The following PAK4 variants were observed in gnomAD, a reference collection of about 807,000 sequenced individuals.
The protein encoded by PAK4 is serine/threonine-protein kinase PAK 4.
In PAK4, 49 loss-of-function variants were observed where a neutral mutation model predicts 53.5. The observed-to-expected ratio is 0.92, with a 90% CI of 0.73 to 1.16. The LOEUF (loss-of-function observed/expected upper bound fraction) is 1.16. Ranked by LOEUF, PAK4 falls within the 50% of genes most tolerant of loss-of-function variation. PAK4 has a pLI of 0.00. For synonymous variants in PAK4, 376 were observed against 375.6 expected (o/e 1.00, Z -0.01); for missense variants, 824 against 850.7 (o/e 0.97, Z 0.39).
chr19:39,171,572 C>T (rs532953992), intron 2 of PAK4, among the ~76,000 whole-genome samples: 3 of 152,340 alleles, frequency 2.0e-5, no homozygotes, highest in Admixed American at 6.5e-5. Flanking sequence ...CTGGGCAAGG[C>T]CCGGCTTCAG....
At chr19:39,177,990 C>T (rs918966061) in intron 8 of PAK4, among the ~76,000 whole-genome samples, 181 bp downstream of exon 9, 9 of 151,994 alleles carry the variant, frequency 5.9e-5, no homozygotes, top group African/African-American at 1.9e-4. Context: ...GGGGCCTGGG[C>T]GACAGAGGCA....
chr19:39,129,596 C>T (rs1023210017), intron 1 of PAK4, among the ~76,000 whole-genome samples: 2 of 152,134 alleles, frequency 1.3e-5, no homozygotes, highest in African/African-American at 2.4e-5. Flanking sequence ...ACGATTTCCT[C>T]GGCCGTGACA....
intron 1 of PAK4, among the ~76,000 whole-genome samples, chr19:39,158,566 G>T (rs1256536714): frequency 2.6e-5 from 4 of 152,248 alleles, no homozygotes; most frequent in African/African-American, 9.6e-5. Flanking sequence ...GTACCTCTGG[G>T]GGGTGAAGGG....
At position 39,166,801 on chromosome 19, in the gene PAK4, TCTGTTGGGAAGGGAGCGC is replaced by T. The variant is rs1333329365; in HGVS notation, c.-22-2727_-22-2710del. Reference sequence around the variant, plus strand: ...TGTGGCCCCCATGAGGTCAGGAGCATCTGTTGGGAAGGGAGCGCCTGCTGGGGAAGCCGGCAGGGCTTG... The same window carrying T: ...TGTGGCCCCCATGAGGTCAGGAGCATCTGCTGGGGAAGCCGGCAGGGCTTG... On this transcript the variant is annotated intron_variant, in intron 1 of 8. Transcript: ENST00000358301. 2.0e-5 allele frequency among the ~76,000 whole-genome samples: 3 copies of T among 152,120 alleles called. No homozygotes were observed. The East Asian group carries it at 5.8e-4, about 29-fold the overall frequency.
Position 39,175,155 on chromosome 19 carries a change from TC to T in PAK4, c.1232+93del. On this transcript the variant is annotated intron_variant, in intron 5 of 8. Coordinates refer to ENST00000358301, the Ensembl canonical transcript of PAK4. The surrounding 1 kb of genome is among the most constrained non-coding windows in gnomAD (Gnocchi z 4.7). ...GGCCACATCTCCAAACCAGCTGTGC[TC>T]CGGGCCCCTGGGATGGGGTCGTGTC... 6.6e-7 allele frequency: 1 copy of T among 1,521,056 alleles called. No homozygotes were observed. Among genetic ancestry groups the T allele is most frequent in the Non-Finnish European group, 8.9e-7 (1 of 1,120,478 alleles). 94.2% of individuals were successfully genotyped at this position (1,521,056 alleles called of 1,614,324 possible). A position where few individuals can be genotyped will look rare whatever the true frequency, so the allele number is the denominator to read the frequency against.
chr19:39,149,796 C>T (rs918836140), intron 1 of PAK4, among the ~76,000 whole-genome samples: 4 of 152,090 alleles, frequency 2.6e-5, no homozygotes, highest in Non-Finnish European at 5.9e-5. Flanking sequence ...GCGGAGGTTG[C>T]AGTGAGCTGA....
At chr19:39,163,499 G>T (rs962070683) in intron 1 of PAK4, among the ~76,000 whole-genome samples, 2 of 152,074 alleles carry the variant, frequency 1.3e-5, no homozygotes, top group African/African-American at 2.4e-5. Flanking sequence ...TTAACCTTGT[G>T]GGGGAGAATG....
At chr19:39,167,619 G>A (rs959435219) in intron 1 of PAK4, among the ~76,000 whole-genome samples, 33 of 152,294 alleles carry the variant, frequency 2.2e-4, no homozygotes, top group African/African-American at 7.7e-4. Context: ...CCTTGGCCAG[G>A]CCCGGCTCTG....
intron 1 of PAK4, among the ~76,000 whole-genome samples, chr19:39,132,951 G>A (rs2073741883): frequency 6.6e-6 from 1 of 152,204 alleles, no homozygotes; most frequent in South Asian, 2.1e-4. Context: ...TCCTTTTCTT[G>A]GAGCTGTCTA....
chr19:39,148,949 T>C (rs1381122173), intron 1 of PAK4, among the ~76,000 whole-genome samples: 1 of 152,200 alleles, frequency 6.6e-6, no homozygotes, highest in Admixed American at 6.5e-5. Flanking sequence ...CTTAGGCTTC[T>C]TTCACAAGAA....
intron 1 of PAK4, among the ~76,000 whole-genome samples, chr19:39,167,206 A>G (rs779624230): frequency 3.3e-5 from 5 of 152,104 alleles, no homozygotes; most frequent in Non-Finnish European, 5.9e-5. Flanking sequence ...GGAACTGCCT[A>G]GTGCCCCGCA....
intron 1 of PAK4, among the ~76,000 whole-genome samples, chr19:39,160,168 G>A (rs1044800650): frequency 2.0e-5 from 3 of 152,236 alleles, no homozygotes; most frequent in East Asian, 1.9e-4. Context: ...CTCCCCAGGC[G>A]TCAAGGTCAG....
At chr19:39,177,210 C>T (rs2074623659) in intron 7 of PAK4, among the ~76,000 whole-genome samples, 1 of 152,184 alleles carries the variant, frequency 6.6e-6, no homozygotes, top group Non-Finnish European at 1.5e-5. Context: ...CCGGCTTTCC[C>T]CTTGTGGGAG....
intron 1 of PAK4, among the ~76,000 whole-genome samples, chr19:39,147,056 T>TTAAGG (rs1273584247): frequency 7.7e-5 from 2 of 26,088 alleles, no homozygotes; most frequent in African/African-American, 1.2e-4. Flanking sequence ...ATTGACACTG[T>TTAAGG]CATTGTCAAT....
chr19:39,142,719 G>T (rs555807917), intron 1 of PAK4, among the ~76,000 whole-genome samples: 1 of 152,344 alleles, frequency 6.6e-6, no homozygotes, highest in African/African-American at 2.4e-5. Context: ...GCATCGCGTG[G>T]TGGTGACACC....
At chr19:39,174,865 C>T (rs1243043947) in intron 4 of PAK4, 66 bp from the exon 6 acceptor site, 13 of 1,588,658 alleles carry the variant, frequency 8.2e-6, no homozygotes, top group African/African-American at 2.7e-5. Flanking sequence ...AGGGGGGTGG[C>T]GGTGGCTGGG....
intron 1 of PAK4, among the ~76,000 whole-genome samples, chr19:39,158,577 C>T (rs1368895124): frequency 6.6e-6 from 1 of 152,220 alleles, no homozygotes; most frequent in African/African-American, 2.4e-5. Context: ...GGGTGAAGGG[C>T]ACCAGCAGTG....
chr19:39,145,318 A>G (rs916900701), intron 1 of PAK4, among the ~76,000 whole-genome samples: 20 of 152,130 alleles, frequency 1.3e-4, no homozygotes, highest in African/African-American at 4.3e-4. Context: ...AGGATTTTAA[A>G]CTGCGTGTAA....
intron 1 of PAK4, among the ~76,000 whole-genome samples, chr19:39,163,631 G>T (rs1294311924): frequency 6.6e-6 from 1 of 152,162 alleles, no homozygotes; most frequent in Non-Finnish European, 1.5e-5. Context: ...GAATTCAAAA[G>T]ATTTTTTAAA....
Sources: gnomAD v4.1 joint callset for allele counts (sites outside exome capture counted in the v4.1 genomes callset) on GRCh38, gnomAD v4.1.1 for gene constraint, Gnocchi (gnomAD v3.1) non-coding constraint, MANE v1.5 for transcripts, NCBI Gene and HGNC (gene_info 2026-07-23, HGNC 2026-07-21) for gene names.